Variants in PIGW observed in about 807,000 individuals in gnomAD.
PIGW encodes glucosaminyl-phosphatidylinositol-acyltransferase PIGW.
PIGW carries 23 observed loss-of-function variants against 34.0 expected under a neutral mutation model. That is an observed-to-expected ratio of 0.68 (90% confidence interval 0.49 to 0.96). The LOEUF is 0.96. PIGW is among the 40% of genes least tolerant of loss of function. The pLI is 0.00. For missense variants in PIGW, 574 were observed against 586.3 expected (o/e 0.98, Z 0.22); for synonymous variants, 225 against 225.2 (o/e 1.00, Z 0.01).
At chr17:36,536,803 C>T (rs1045923254) in intron 1 of PIGW, among the ~76,000 whole-genome samples, 1 of 152,190 alleles carries the variant, frequency 6.6e-6, no homozygotes, top group African/African-American at 2.4e-5. Context: ...GTGTGAGCCA[C>T]CACGCCTGGC....
At position 36,537,108 on chromosome 17, in the gene PIGW, G is replaced by A. The variant is rs778073829; in HGVS notation, c.7G>A (p.Glu3Lys). 1.9e-6 allele frequency: 3 copies of A among 1,584,828 alleles called. No individual in the cohort carries two copies. In the Admixed American group the frequency reaches 5.6e-5, roughly 30 times the overall value. ...TGTTTTCACAGGAAGAAAAATGTCT[G>A]AAAAGCAGATGAAGGAAGCTTTTGT... MSEKQMKEAFVSN... is the reference protein window; with the variant it reads MSKKQMKEAFVSN... Residue 3 changes from glutamate to lysine, a missense_variant, in exon 2 of 2, where the codon GAA (glutamate) becomes AAA (lysine). By Grantham distance (56) the Glu-to-Lys change is moderately conservative. Coordinates refer to ENST00000614443, the MANE Select transcript of PIGW (RefSeq NM_001346754.2).
rs758414062 is a variant in PIGW at position 36,538,412 on chromosome 17, T to C, written c.1311T>C (p.Ser437=). The change falls in exon 2 of 2, where the codon AGT becomes AGC. Residue 437 remains serine, a synonymous_variant. Coordinates refer to ENST00000614443, the MANE Select transcript of PIGW (RefSeq NM_001346754.2). ...CTGAAGCCGAAAGAATGGAACCCAGTCTTTGTTTAATCACAGCTCTAAACA... is the reference window on the plus strand; with the variant it reads ...CTGAAGCCGAAAGAATGGAACCCAGCCTTTGTTTAATCACAGCTCTAAACA... ...LVPEAERMEP[S]LCLITALNRK... 5 of 1,614,184 alleles carry C rather than the reference T, an allele frequency of 3.1e-6. No individual in the cohort carries two copies. The highest frequency in any genetic ancestry group is 1.6e-4 in the Middle Eastern group (1 of 6,062).
intron 1 of PIGW, among the ~76,000 whole-genome samples, chr17:36,536,176 T>G (rs1046221765): frequency 1.6e-4 from 24 of 152,208 alleles, no homozygotes; most frequent in Admixed American, 1.1e-3. Context: ...CATCCATTCT[T>G]AATGCACCCA....
rs772439616 is a variant in PIGW, at chr17:36,537,915, T to C, written c.814T>C (p.Tyr272His). Residue 272 changes from tyrosine to histidine, a missense_variant, in exon 2 of 2, where the codon TAC (tyrosine) becomes CAC (histidine). Tyr to His is a moderately conservative substitution (Grantham distance 83, BLOSUM62 2). Coordinates refer to ENST00000614443, the MANE Select transcript of PIGW (RefSeq NM_001346754.2). ...TATTGCCCTCGGCATTACTGTATTA[T>C]ACCAGCTAGCCCTTGACTTTACCTC... is the stretch of plus-strand genomic sequence containing the variant. ...WIIALGITVL[Y>H]QLALDFTSLK... The C allele has an allele frequency of 1.9e-6, 3 of 1,614,138 alleles. No individual in the cohort carries two copies. In the East Asian group the frequency reaches 6.7e-5, roughly 36 times the overall value.
rs903764181 is a variant in PIGW at position 36,535,575 on chromosome 17, G to A, written c.-26G>A. 3.3e-5 allele frequency: 5 copies of A among 152,290 alleles called. No individual in the cohort carries two copies. The highest frequency in any genetic ancestry group is 1.3e-4 in the Admixed American group (2 of 15,294). 9.4% of individuals were successfully genotyped at this position (152,290 alleles called of 1,614,324 possible). ...TTCCCACGTAGACCGTCTGCTGGGG[G>A]CGCCGGCACCATTTGGAGTACGTGA... On this transcript the variant is annotated 5_prime_UTR_variant, in exon 1 of 2. Coordinates refer to ENST00000614443, the MANE Select transcript of PIGW (RefSeq NM_001346754.2).
In PIGW at chr17:36,539,119, T is replaced by C. The variant is rs1011020883; in HGVS notation, c.*503T>C. ...GAAGAAACAAAGCCTTTTGACTTGTTAGAATGTATTAAGTAGTATTTTAAA... is the reference window on the plus strand; with the variant it reads ...GAAGAAACAAAGCCTTTTGACTTGTCAGAATGTATTAAGTAGTATTTTAAA... On this transcript the variant is annotated 3_prime_UTR_variant, in exon 2 of 2. Transcript: ENST00000614443. 6.0e-6 allele frequency: 1 copy of C among 167,406 alleles called. No homozygotes were observed. Among genetic ancestry groups the C allele is most frequent in the African/African-American group, 2.4e-5 (1 of 41,448 alleles). 10.4% of individuals were successfully genotyped at this position (167,406 alleles called of 1,614,324 possible).
rs72818370 is a variant in PIGW, at chr17:36,537,477, A to T, written c.376A>T (p.Asn126Tyr). 2 of 1,613,876 alleles carry T rather than the reference A, an allele frequency of 1.2e-6. No homozygotes were observed. The highest frequency in any genetic ancestry group is 1.7e-5 in the Admixed American group (1 of 59,998). ...GAACATCAGTCTAGAATCAGAATACAATCCAGCCATCTCCTGTTTCCGTGT... is the reference window on the plus strand; with the variant it reads ...GAACATCAGTCTAGAATCAGAATACTATCCAGCCATCTCCTGTTTCCGTGT... ...FLNISLESEYNPAISCFRVIT... is the reference protein window; with the variant it reads ...FLNISLESEYYPAISCFRVIT... Residue 126 changes from asparagine to tyrosine, a missense_variant, in exon 2 of 2, where the codon AAT becomes TAT. Coordinates refer to ENST00000614443, the MANE Select transcript of PIGW (RefSeq NM_001346754.2).
At position 36,538,753 on chromosome 17, in the gene PIGW, C is replaced by T; in HGVS notation, c.*137C>T. ...TTCAGTCATCTAAACAGCAGTGATGCTTAATTATTTTTTTTTTTGAGACAG... is the reference window on the plus strand; with the variant it reads ...TTCAGTCATCTAAACAGCAGTGATGTTTAATTATTTTTTTTTTTGAGACAG... On this transcript the variant is annotated 3_prime_UTR_variant, in exon 2 of 2. Transcript: ENST00000614443. 2 of 763,586 alleles carry T rather than the reference C, an allele frequency of 2.6e-6. No individual in the cohort carries two copies. Among genetic ancestry groups the T allele is most frequent in the Middle Eastern group, 3.9e-4 (1 of 2,538 alleles). 47.3% of individuals were successfully genotyped at this position (763,586 alleles called of 1,614,324 possible).
intron 1 of PIGW, among the ~76,000 whole-genome samples, chr17:36,536,524 CTTT>C (rs10715370): frequency 8.0e-6 from 1 of 125,534 alleles, no homozygotes; most frequent in South Asian, 2.5e-4. Context: ...TTTTCTTTTC[CTTT>C]TTTTTTTTTT....
In PIGW at chr17:36,537,771, G is replaced by T. The variant is rs2074163013; in HGVS notation, c.670G>T (p.Gly224Cys). Residue 224 changes from glycine (G) to cysteine (C), a missense_variant, in exon 2 of 2, where the codon GGC becomes TGC. By Grantham distance (159) the Gly-to-Cys change is radical. Transcript: ENST00000614443. ...IGRLAIIKSIGYQEHLTEYGV... is the reference protein window; with the variant it reads ...IGRLAIIKSICYQEHLTEYGV... ...ACGATTAGCCATTATAAAATCAATA[G>T]GCTATCAGGAACATTTAACAGAGTA... The T allele has an allele frequency of 6.2e-7, 1 of 1,613,990 alleles. No individual in the cohort carries two copies. The highest frequency in any genetic ancestry group is 1.3e-5 in the African/African-American group (1 of 74,896).
chr17:36,538,757 A>AT lies in PIGW; in HGVS notation c.*143dup. The AT allele has an allele frequency of 2.4e-4, 181 of 761,294 alleles. No homozygotes were observed. The highest frequency in any genetic ancestry group is 3.3e-4 in the Non-Finnish European group (160 of 486,264). 47.2% of individuals were successfully genotyped at this position (761,294 alleles called of 1,614,324 possible). A position where few individuals can be genotyped will look rare whatever the true frequency, so the allele number is the denominator to read the frequency against. ...GTCATCTAAACAGCAGTGATGCTTA[A>AT]TTATTTTTTTTTTTGAGACAGAGTC... On this transcript the variant is annotated 3_prime_UTR_variant, in exon 2 of 2. Transcript: ENST00000614443.
rs2074054325 is a variant in PIGW, at chr17:36,535,055, G to A, written c.-546G>A. 6.6e-6 allele frequency: 1 copy of A among 152,346 alleles called. No individual in the cohort carries two copies. Among genetic ancestry groups the A allele is most frequent in the Admixed American group, 6.5e-5 (1 of 15,292 alleles). 9.4% of individuals were successfully genotyped at this position (152,346 alleles called of 1,614,324 possible). A position where few individuals can be genotyped will look rare whatever the true frequency, so the allele number is the denominator to read the frequency against. On this transcript the variant is annotated 5_prime_UTR_variant, in exon 1 of 2. The change creates a new upstream start codon in the 5' untranslated region. Coordinates refer to ENST00000614443, the MANE Select transcript of PIGW (RefSeq NM_001346754.2). ...GTCCGGCTTGCTGGCTTCAACTACG[G>A]TGAGATGTTTTGCGACCCTGGGGTA...
rs1445739810 is a variant in PIGW at position 36,538,195 on chromosome 17, C to A, written c.1094C>A (p.Ser365Tyr). Reference sequence around the variant, plus strand: ...GTTCAAGTAAATGTAGAAGCAGTATCTCGAAGAATGGCAAATTTAGCCTTT... The same window carrying A: ...GTTCAAGTAAATGTAGAAGCAGTATATCGAAGAATGGCAAATTTAGCCTTT... ...YVVQVNVEAV[S>Y]RRMANLAFCI... The change falls in exon 2 of 2, where the codon TCT (serine) becomes TAT (tyrosine). Residue 365 changes from serine (S) to tyrosine (Y), a missense_variant. By Grantham distance (144) the Ser-to-Tyr change is moderately radical (BLOSUM62 -2). Transcript: ENST00000614443. 1.9e-6 allele frequency: 3 copies of A among 1,613,368 alleles called. No homozygotes were observed. Among genetic ancestry groups the A allele is most frequent in the Non-Finnish European group, 2.5e-6 (3 of 1,180,020 alleles).
At position 36,537,984 on chromosome 17, in the gene PIGW, C is replaced by G; in HGVS notation, c.883C>G (p.Arg295Gly). The G allele has an allele frequency of 6.2e-7, 1 of 1,613,980 alleles. No individual in the cohort carries two copies. The highest frequency in any genetic ancestry group is 8.5e-7 in the Non-Finnish European group (1 of 1,180,030). ...ATATGGCACTGATGGTAGTGGCACA[C>G]GGGTTGGTCTATTAAATGCCAACCG... ...ILYGTDGSGT[R>G]VGLLNANREG... is the part of the protein sequence containing the mutation. Residue 295 changes from arginine (R) to glycine (G), a missense_variant, in exon 2 of 2, where the codon CGG becomes GGG. Physicochemically the swap from Arg to Gly is moderately radical, Grantham distance 125. Coordinates refer to ENST00000614443, the MANE Select transcript of PIGW (RefSeq NM_001346754.2).
chr17:36,537,496 T>C lies in PIGW; in HGVS notation c.395T>C (p.Phe132Ser). ...GAATACAATCCAGCCATCTCCTGTTTCCGTGTAATTACCAGTGCGTTTACT... is the reference window on the plus strand; with the variant it reads ...GAATACAATCCAGCCATCTCCTGTTCCCGTGTAATTACCAGTGCGTTTACT... ...ESEYNPAISCFRVITSAFTAI... is the reference protein window; with the variant it reads ...ESEYNPAISCSRVITSAFTAI... The change falls in exon 2 of 2, where the codon TTC (phenylalanine) becomes TCC (serine). Residue 132 changes from phenylalanine to serine, a missense_variant. Transcript: ENST00000614443. The C allele has an allele frequency of 6.2e-7, 1 of 1,614,210 alleles. No individual in the cohort carries two copies.
rs1472947768 is a variant in PIGW at position 36,537,932 on chromosome 17, C to T, written c.831C>T (p.Asp277=). The change falls in exon 2 of 2, where the codon GAC becomes GAT. Residue 277 remains aspartate, a synonymous_variant. Coordinates refer to ENST00000614443, the MANE Select transcript of PIGW (RefSeq NM_001346754.2). Reference sequence around the variant, plus strand: ...CTGTATTATACCAGCTAGCCCTTGACTTTACCTCACTGAAGAGGTTAATAT... The same window carrying T: ...CTGTATTATACCAGCTAGCCCTTGATTTTACCTCACTGAAGAGGTTAATAT... ...GITVLYQLAL[D]FTSLKRLILY... 1.9e-6 allele frequency: 3 copies of T among 1,614,106 alleles called. No homozygotes were observed. Among genetic ancestry groups the T allele is most frequent in the South Asian group, 2.2e-5 (2 of 91,078 alleles).
At chr17:36,536,698 A>G (rs2142607997) in intron 1 of PIGW, among the ~76,000 whole-genome samples, 1 of 151,930 alleles carries the variant, frequency 6.6e-6, no homozygotes, top group African/African-American at 2.4e-5. Flanking sequence ...TATTTTTAGT[A>G]GAGACGGGCT....
In PIGW at chr17:36,537,222, A is replaced by G. The variant is rs368614044; in HGVS notation, c.121A>G (p.Ile41Val). The change falls in exon 2 of 2, where the codon ATT becomes GTT. Residue 41 changes from isoleucine (I) to valine (V), a missense_variant. By Grantham distance (29) the Ile-to-Val change is conservative. Transcript: ENST00000614443. ...FCILCRGFLI[I>V]FSQYLCSFSP... is the part of the protein sequence containing the mutation. ...TATCCTGTGCAGAGGGTTCCTGATC[A>G]TTTTCTCACAGTACTTGTGTTCTTT... is the stretch of plus-strand genomic sequence containing the variant. 3.1e-6 allele frequency: 5 copies of G among 1,613,896 alleles called. No homozygotes were observed. The African/African-American group carries it at 4.0e-5, about 13-fold the overall frequency.
rs2074076157 is a variant in PIGW, at chr17:36,535,360, C to G, written c.-241C>G. 6.6e-6 allele frequency: 1 copy of G among 152,368 alleles called. No individual in the cohort carries two copies. The highest frequency in any genetic ancestry group is 6.5e-5 in the Admixed American group (1 of 15,288). 9.4% of individuals were successfully genotyped at this position (152,368 alleles called of 1,614,324 possible). ...ACGGCCCTAGAAGATCTGGCCTGCA[C>G]CAGCCCAAAGGACATGACAGGAGTG... On this transcript the variant is annotated 5_prime_UTR_variant, in exon 1 of 2. Transcript: ENST00000614443.
Sources: gnomAD v4.1 joint callset for allele counts (sites outside exome capture counted in the v4.1 genomes callset) on GRCh38, gnomAD v4.1.1 for gene constraint, MANE v1.5 for transcripts, NCBI Gene and HGNC (gene_info 2026-07-23, HGNC 2026-07-21) for gene names.